The following KLF7 variants were observed in gnomAD, a reference collection of about 807,000 sequenced individuals.
KLF7 encodes KLF transcription factor 7.
A neutral mutation model predicts 27.3 loss-of-function variants in KLF7; 2 were observed. That is an observed-to-expected ratio of 0.07 (90% CI 0.03 to 0.23). KLF7 has a LOEUF of 0.23. Among genes scored for constraint, KLF7 ranks in the 10% least tolerant of loss-of-function variants. The probability of loss-of-function intolerance (pLI) is 1.00; values close to 1 mark genes in which losing one functional copy is unlikely to be tolerated. For missense variants in KLF7, 221 were observed against 394.1 expected (o/e 0.56, Z 3.72); for synonymous variants, 165 against 162.4 (o/e 1.02, Z -0.12).
At chr2:207,128,539 A>C (rs1222149475) in intron 1 of KLF7, among the ~76,000 whole-genome samples, 1 of 152,230 alleles carries the variant, frequency 6.6e-6, no homozygotes, top group Non-Finnish European at 1.5e-5. Flanking sequence ...CACCGAACAA[A>C]ATATTTATTT....
intron 2 of KLF7, among the ~76,000 whole-genome samples, chr2:207,095,031 CTTTTTTT>C (rs36091471): frequency 1.8e-4 from 15 of 82,430 alleles, no homozygotes; most frequent in South Asian, 1.1e-3. Flanking sequence ...TGTTTTTATT[CTTTTTTT>C]TTTTTTTTTT....
chr2:207,155,905 C>G (rs1267668673), intron 1 of KLF7, among the ~76,000 whole-genome samples: 1 of 152,062 alleles, frequency 6.6e-6, no homozygotes, highest in Admixed American at 6.6e-5. Flanking sequence ...GCAAATTTGC[C>G]GCCTCTCCAA....
chr2:207,095,139 C>T (rs900407876), intron 2 of KLF7, among the ~76,000 whole-genome samples: 14 of 135,852 alleles, frequency 1.0e-4, no homozygotes, highest in African/African-American at 3.8e-4. Context: ...CTCCTGGGTT[C>T]ACGCCATTCT....
At chr2:207,161,230 T>C (rs1348190499) in intron 1 of KLF7, among the ~76,000 whole-genome samples, 1 of 152,254 alleles carries the variant, frequency 6.6e-6, no homozygotes, top group Non-Finnish European at 1.5e-5. Context: ...TATTTAGTGA[T>C]TGCATCTTCA....
In KLF7 at chr2:207,164,253, G is replaced by C. The variant is rs2078633279; in HGVS notation, c.102+1214C>G. Among the ~76,000 whole-genome samples, 2 of 152,134 alleles carry C rather than the reference G, an allele frequency of 1.3e-5. 1 individual carries two copies. Among genetic ancestry groups the C allele is most frequent in the Admixed American group, 1.3e-4 (2 of 15,274 alleles). On this transcript the variant is annotated intron_variant, in intron 1 of 3. Coordinates refer to ENST00000309446, the MANE Select transcript of KLF7 (RefSeq NM_003709.4). ...GCAGAGGAAATTCAGCCGTTCATTA[G>C]CCTTAACAAGCTGCTGTCACTAAGC...
intron 2 of KLF7, among the ~76,000 whole-genome samples, chr2:207,099,563 T>TATATATATATATATATATATAA (rs2076712557): frequency 7.6e-6 from 1 of 130,778 alleles, no homozygotes; most frequent in Non-Finnish European, 1.6e-5. Context: ...TATATATATA[T>TATATATATATATATATATATAA]ATATATATAT....
chr2:207,113,611 G>GA (rs1261933717), intron 2 of KLF7, among the ~76,000 whole-genome samples: 2 of 132,128 alleles, frequency 1.5e-5, no homozygotes, highest in Admixed American at 1.5e-4. Flanking sequence ...GGGGGGTGGG[G>GA]GGGGGGGGGA....
chr2:207,115,197 T>C (rs1463887444), intron 2 of KLF7, among the ~76,000 whole-genome samples: 1 of 138,818 alleles, frequency 7.2e-6, no homozygotes, highest in African/African-American at 2.7e-5. Flanking sequence ...AAAGGGGGGG[T>C]ATGCCAAGGA....
chr2:207,080,666 C>G lies in KLF7; in HGVS notation c.*547G>C, dbSNP rs1016877434. On this transcript the variant is annotated 3_prime_UTR_variant, in exon 4 of 4. Transcript: ENST00000309446. ...TTTCACACACAAAGGACAAATAAAC[C>G]AAGAGTTAATTTTGGCTACCAAACT... 2 of 396,374 alleles carry G rather than the reference C, an allele frequency of 5.0e-6. No individual in the cohort carries two copies. The highest frequency in any genetic ancestry group is 4.1e-5 in the African/African-American group (2 of 48,554). The allele number at this position is 396,374 out of a possible 1,614,324, so 24.6% of individuals were successfully genotyped here.
chr2:207,124,066 A>T lies in KLF7; in HGVS notation c.441T>A (p.His147Gln), dbSNP rs749629247. Reference sequence around the variant, plus strand: ...AGAGAGTTTGTGAGGTTTTGACCAGATGGCGGCTGAGCTCAGGGGACGATG... The same window carrying T: ...AGAGAGTTTGTGAGGTTTTGACCAGTTGGCGGCTGAGCTCAGGGGACGATG... ...TPPSSPELSR[H>Q]LVKTSQTLSA... Residue 147 changes from histidine (H) to glutamine (Q), a missense_variant, in exon 2 of 4, where the codon CAT becomes CAA. This residue lies in a region of KLF7 where 180 missense variants were observed against 227.9 expected (regional missense o/e 0.79). Coordinates refer to ENST00000309446, the MANE Select transcript of KLF7 (RefSeq NM_003709.4). 6.2e-7 allele frequency: 1 copy of T among 1,614,080 alleles called. No homozygotes were observed. Among genetic ancestry groups the T allele is most frequent in the South Asian group, 1.1e-5 (1 of 91,086 alleles).
chr2:207,105,573 C>G (rs1328145802), intron 2 of KLF7, among the ~76,000 whole-genome samples: 2 of 152,172 alleles, frequency 1.3e-5, no homozygotes, highest in Non-Finnish European at 2.9e-5. Flanking sequence ...GCAAAAGACC[C>G]CACCCTTCTT....
intron 3 of KLF7, among the ~76,000 whole-genome samples, chr2:207,087,128 A>G (rs1358378919): frequency 6.6e-6 from 1 of 152,224 alleles, no homozygotes; most frequent in Non-Finnish European, 1.5e-5. Flanking sequence ...ATGGATGGAA[A>G]TGTAATAATA....
At chr2:207,087,156 G>C (rs1330052426) in intron 3 of KLF7, among the ~76,000 whole-genome samples, 1 of 152,184 alleles carries the variant, frequency 6.6e-6, no homozygotes, top group African/African-American at 2.4e-5. Flanking sequence ...TTCTTGGGTA[G>C]CAGAACAGAG....
intron 2 of KLF7, among the ~76,000 whole-genome samples, chr2:207,106,252 A>G (rs1188370578): frequency 6.6e-6 from 1 of 152,210 alleles, no homozygotes; most frequent in Non-Finnish European, 1.5e-5. Context: ...ACTTTAAAAC[A>G]TTACTCTAGC....
chr2:207,105,957 A>C (rs2076874403), intron 2 of KLF7, among the ~76,000 whole-genome samples: 2 of 152,234 alleles, frequency 1.3e-5, no homozygotes, highest in African/African-American at 4.8e-5. Context: ...GAAAGAGATA[A>C]GGAAATGTAA....
chr2:207,089,870 A>AC (rs2076472176), intron 2 of KLF7, among the ~76,000 whole-genome samples: 1 of 152,234 alleles, frequency 6.6e-6, no homozygotes, highest in Admixed American at 6.5e-5. Flanking sequence ...GTTTCAGGAT[A>AC]CCTAGGTGCC....
At chr2:207,138,199 T>G (rs536334636) in intron 1 of KLF7, among the ~76,000 whole-genome samples, 13 of 152,290 alleles carry the variant, frequency 8.5e-5, no homozygotes, top group Non-Finnish European at 1.9e-4. Flanking sequence ...CATCAGCCCA[T>G]GCAAAGGAGA....
chr2:207,127,044 A>G (rs2077497872), intron 1 of KLF7, among the ~76,000 whole-genome samples: 2 of 152,184 alleles, frequency 1.3e-5, no homozygotes, highest in South Asian at 4.1e-4. Flanking sequence ...TGCAGGGCTG[A>G]GATATTCTAA....
intron 1 of KLF7, among the ~76,000 whole-genome samples, chr2:207,124,781 G>A (rs1015095187): frequency 2.0e-5 from 3 of 152,154 alleles, no homozygotes; most frequent in Admixed American, 1.3e-4. Flanking sequence ...AAACAGATAA[G>A]GTTTTCATAC....
Sources: gnomAD v4.1 joint callset for allele counts (sites outside exome capture counted in the v4.1 genomes callset) on GRCh38, gnomAD v4.1.1 for gene constraint, gnomAD v4.1.1 regional missense constraint, MANE v1.5 for transcripts, NCBI Gene and HGNC (gene_info 2026-07-23, HGNC 2026-07-21) for gene names.